Variants in GTF2F2 observed in about 807,000 individuals in gnomAD.
GTF2F2 encodes the protein ATP-dependent helicase GTF2F2.
GTF2F2 carries 23 observed loss-of-function variants against 42.2 expected under a neutral mutation model. The ratio of observed to expected loss-of-function variants is 0.55; its 90% CI spans 0.39 to 0.77. The LOEUF is 0.77. Ranked by LOEUF, GTF2F2 falls within the 30% of genes least tolerant of loss-of-function variation. The pLI, the probability that GTF2F2 is intolerant of heterozygous loss-of-function variation, is 0.00. For synonymous variants in GTF2F2, 105 were observed against 100.8 expected, an observed-to-expected ratio of 1.04 and a Z score of -0.25; for missense variants, 261 against 287.2, an observed-to-expected ratio of 0.91 and a Z score of 0.66.
intron 6 of GTF2F2, among the ~76,000 whole-genome samples, chr13:45,257,854 C>T (rs1876168288): frequency 6.6e-6 from 1 of 152,070 alleles, no homozygotes; most frequent in African/African-American, 2.4e-5. Context: ...AGGGGTTGAG[C>T]GTTGTGCCTT....
intron 1 of GTF2F2, among the ~76,000 whole-genome samples, chr13:45,134,033 G>T (rs1197385514): frequency 1.3e-5 from 2 of 152,110 alleles, no homozygotes; most frequent in African/African-American, 4.8e-5. Context: ...GATTATGAAG[G>T]GGATACTGTT....
intron 5 of GTF2F2, among the ~76,000 whole-genome samples, chr13:45,210,817 TA>T (rs1873602523): frequency 6.6e-6 from 1 of 152,212 alleles, no homozygotes; most frequent in African/African-American, 2.4e-5. Context: ...GGAAAAATTT[TA>T]AGCTGGGTGG....
Position 45,235,884 on chromosome 13 carries a change from GA to G in GTF2F2, c.387-16986del, listed in dbSNP as rs1299528528. ...CCTCCCAAAGTGCTGGGATTACAGG[GA>G]TGAGCCACCGCACATGGCCAGATAC... On this transcript the variant is annotated intron_variant, in intron 5 of 7. Coordinates refer to ENST00000340473, the MANE Select transcript of GTF2F2 (RefSeq NM_004128.3). Among the ~76,000 whole-genome samples the G allele has an allele frequency of 3.3e-5, 5 of 152,038 alleles. No individual in the cohort carries two copies. In the East Asian group the frequency reaches 9.7e-4, roughly 29 times the overall value.
In GTF2F2 at chr13:45,162,178, A is replaced by G. The variant is rs563521390; in HGVS notation, c.304+10347A>G. ...GTTAAAACAGTCTCTTTAAGTAGGT[A>G]ATAGAAATCCTGCTAGGTCTGCCTG... is the stretch of plus-strand genomic sequence containing the variant. On this transcript the variant is annotated intron_variant, in intron 4 of 7. Transcript: ENST00000340473. Among the ~76,000 whole-genome samples, 8 of 152,350 alleles carry G rather than the reference A, an allele frequency of 5.3e-5. No individual in the cohort carries two copies. The South Asian group carries it at 1.2e-3, about 24-fold the overall frequency.
chr13:45,273,760 T>G (rs1876905693), intron 7 of GTF2F2, among the ~76,000 whole-genome samples: 1 of 148,502 alleles, frequency 6.7e-6, no homozygotes. Flanking sequence ...GTTCAAGCGA[T>G]TCTCCTGCCT....
intron 5 of GTF2F2, among the ~76,000 whole-genome samples, chr13:45,248,604 G>T (rs1358933675): frequency 1.3e-5 from 2 of 152,116 alleles, no homozygotes; most frequent in Admixed American, 6.5e-5. Context: ...CTCCTGAGTA[G>T]CTGGGATTAC....
At chr13:45,191,224 A>AAAAAAAAAAAATATATATATATATATAT in intron 4 of GTF2F2, among the ~76,000 whole-genome samples, 4 of 75,298 alleles carry the variant, frequency 5.3e-5, no homozygotes, top group Non-Finnish European at 8.9e-5. Flanking sequence ...ACAAAAAAAA[A>AAAAAAAAAAAATATATATATATATATAT]ATATATATAT....
At chr13:45,277,096 A>G (rs1003000282) in intron 7 of GTF2F2, among the ~76,000 whole-genome samples, 3 of 152,128 alleles carry the variant, frequency 2.0e-5, no homozygotes, top group African/African-American at 7.2e-5. Context: ...CCAGGAGAAA[A>G]GAAGAAAAAT....
intron 4 of GTF2F2, among the ~76,000 whole-genome samples, chr13:45,186,647 G>A (rs936364923): frequency 2.0e-5 from 3 of 152,086 alleles, no homozygotes; most frequent in African/African-American, 7.2e-5. Flanking sequence ...TTTATCAAAT[G>A]CTATGATACC....
At chr13:45,266,943 T>C (rs1593526754) in intron 6 of GTF2F2, among the ~76,000 whole-genome samples, 1 of 151,552 alleles carries the variant, frequency 6.6e-6, no homozygotes, top group African/African-American at 2.4e-5. Flanking sequence ...AGGTCAGGAG[T>C]TCCAGGCCAG....
chr13:45,199,729 C>G (rs940893360), intron 4 of GTF2F2, among the ~76,000 whole-genome samples: 4 of 152,152 alleles, frequency 2.6e-5, no homozygotes, highest in African/African-American at 9.7e-5. Context: ...TCTACAATCT[C>G]AAAATGAAGG....
At chr13:45,138,914 G>T (rs1251267792) in intron 2 of GTF2F2, among the ~76,000 whole-genome samples, 1 of 152,178 alleles carries the variant, frequency 6.6e-6, no homozygotes, top group African/African-American at 2.4e-5. Flanking sequence ...CTAAAGTGCT[G>T]GGATTACAGG....
intron 4 of GTF2F2, among the ~76,000 whole-genome samples, chr13:45,203,763 G>T (rs942940140): frequency 6.6e-6 from 1 of 152,128 alleles, no homozygotes; most frequent in Non-Finnish European, 1.5e-5. Context: ...GTGACTGTGG[G>T]CATCTGTCGC....
At chr13:45,188,534 G>A (rs914343101) in intron 4 of GTF2F2, among the ~76,000 whole-genome samples, 3 of 152,168 alleles carry the variant, frequency 2.0e-5, no homozygotes, top group African/African-American at 7.2e-5. Context: ...ATAATAATTA[G>A]TGCTTTATCA....
rs74705392 is a variant in GTF2F2 at position 45,135,955 on chromosome 13, A to C, written c.67-778A>C. Among the ~76,000 whole-genome samples, 681 of 152,370 alleles carry C rather than the reference A, an allele frequency of 4.5e-3. 10 individuals carry two copies. The highest frequency in any genetic ancestry group is 0.031 in the Admixed American group (472 of 15,302). ...ATAAGGTATATAGTAGGGATTCAGCATATATCATCCACTTTTCCTTTTTGG... is the reference window on the plus strand; with the variant it reads ...ATAAGGTATATAGTAGGGATTCAGCCTATATCATCCACTTTTCCTTTTTGG... On this transcript the variant is annotated intron_variant, in intron 1 of 7. Transcript: ENST00000340473.
intron 5 of GTF2F2, among the ~76,000 whole-genome samples, chr13:45,218,177 C>T (rs1245347994): frequency 6.6e-6 from 1 of 152,158 alleles, no homozygotes; most frequent in Non-Finnish European, 1.5e-5. Context: ...ATCTCTGCTT[C>T]GTGGGCCAAA....
At position 45,284,091 on chromosome 13, in the gene GTF2F2, G is replaced by A. The variant is rs1338487383; in HGVS notation, c.*530G>A. 6.6e-6 allele frequency: 1 copy of A among 152,184 alleles called. No homozygotes were observed. The highest frequency in any genetic ancestry group is 2.4e-5 in the African/African-American group (1 of 41,446). The allele number at this position is 152,184 out of a possible 1,614,324, so 9.4% of individuals were successfully genotyped here. A position where few individuals can be genotyped will look rare whatever the true frequency, so the allele number is the denominator to read the frequency against. ...CATACTCAACGTTAATAAAAGGAGA[G>A]AGTTTGTAGTGAAATGGCAGTGTTC... On this transcript the variant is annotated 3_prime_UTR_variant, in exon 8 of 8. Transcript: ENST00000340473.
intron 4 of GTF2F2, among the ~76,000 whole-genome samples, chr13:45,161,779 G>T (rs1237832076): frequency 1.3e-5 from 2 of 152,160 alleles, no homozygotes; most frequent in Non-Finnish European, 2.9e-5. Context: ...GGAGGCAGAG[G>T]TTGCAGTGAG....
chr13:45,217,379 C>T (rs1873939716), intron 5 of GTF2F2, among the ~76,000 whole-genome samples: 2 of 151,612 alleles, frequency 1.3e-5, no homozygotes, highest in African/African-American at 4.8e-5. Flanking sequence ...GTACCATGTC[C>T]ACCAAACTCC....
Sources: allele counts gnomAD v4.1 joint callset (sites outside exome capture counted in the v4.1 genomes callset), GRCh38; gene constraint gnomAD v4.1.1; transcripts MANE v1.5; gene names NCBI Gene and HGNC (gene_info 2026-07-23, HGNC 2026-07-21).